The following CDH4 variants were observed in gnomAD, a reference collection of about 807,000 sequenced individuals.
CDH4 encodes the protein cadherin-4.
A neutral mutation model predicts 86.0 loss-of-function variants in CDH4; 33 were observed. The observed-to-expected ratio is 0.38, with a 90% CI of 0.29 to 0.51. The LOEUF is 0.51. Among genes scored for constraint, CDH4 ranks in the 20% least tolerant of loss-of-function variants. The probability of loss-of-function intolerance (pLI) is 0.86; values close to 1 mark genes in which losing one functional copy is unlikely to be tolerated. For missense variants in CDH4, 1,114 were observed against 1,307.4 expected (o/e 0.85, Z 2.28); for synonymous variants, 555 against 549.4 (o/e 1.01, Z -0.14).
At chr20:61,864,409 A>T (rs1983455671) in intron 6 of CDH4, among the ~76,000 whole-genome samples, 1 of 152,262 alleles carries the variant, frequency 6.6e-6, no homozygotes. Context: ...CCATGCAGCC[A>T]GAAACCCTGT....
chr20:61,374,698 C>G (rs757885664), intron 2 of CDH4, among the ~76,000 whole-genome samples: 3 of 152,098 alleles, frequency 2.0e-5, no homozygotes, highest in Admixed American at 6.5e-5. Context: ...GAGTGGAGTT[C>G]GGACATGCCT....
chr20:61,306,273 G>C (rs1033008512), intron 2 of CDH4, among the ~76,000 whole-genome samples: 1 of 152,174 alleles, frequency 6.6e-6, no homozygotes, highest in Admixed American at 6.5e-5. Flanking sequence ...CTTTAAAAAT[G>C]CAGTTTACTC....
rs996463107 is a variant in CDH4 at position 61,480,241 on chromosome 20, C to A, written c.169+225304C>A. Among the ~76,000 whole-genome samples, 160 of 152,268 alleles carry A rather than the reference C, an allele frequency of 1.1e-3. 1 individual carries two copies. The highest frequency in any genetic ancestry group is 2.1e-4 in the Non-Finnish European group (14 of 68,022). ...TTCCACCCCAGGAGGACCCCAGGCT[C>A]CCCCTCTCGTGGTAGCCTGGAAACT... On this transcript the variant is annotated intron_variant, in intron 2 of 15. Coordinates refer to ENST00000614565, the MANE Select transcript of CDH4 (RefSeq NM_001794.5). The surrounding 1 kb of genome is among the most constrained non-coding windows in gnomAD (Gnocchi z 5.2).
intron 2 of CDH4, chr20:61,719,041 C>A (rs758438635): frequency 1.5e-5 from 7 of 471,064 alleles, no homozygotes; most frequent in Admixed American, 7.0e-5. Flanking sequence ...AGAGAAGGAC[C>A]CTCCCTGGCC....
At chr20:61,700,579 C>T (rs1317215051) in intron 2 of CDH4, among the ~76,000 whole-genome samples, 1 of 152,240 alleles carries the variant, frequency 6.6e-6, no homozygotes, top group Non-Finnish European at 1.5e-5. Context: ...AGCCTCCGTG[C>T]ATGCCTGGTC....
At chr20:61,336,625 G>T (rs763776667) in intron 2 of CDH4, among the ~76,000 whole-genome samples, 1 of 152,212 alleles carries the variant, frequency 6.6e-6, no homozygotes, top group East Asian at 1.9e-4. Flanking sequence ...GTGGAAGGAA[G>T]CCAGGGCCTT....
At chr20:61,473,870 C>T (rs1451565652) in intron 2 of CDH4, among the ~76,000 whole-genome samples, 1 of 152,046 alleles carries the variant, frequency 6.6e-6, no homozygotes. Context: ...CTTTTTACAG[C>T]CATGTCAAGA....
intron 9 of CDH4, among the ~76,000 whole-genome samples, chr20:61,921,643 T>C (rs1380978048): frequency 6.6e-6 from 1 of 150,618 alleles, no homozygotes; most frequent in African/African-American, 2.5e-5. Flanking sequence ...TCCCAGCTAC[T>C]GGGGAGGCTG....
At chr20:61,339,757 A>C (rs2084639983) in intron 2 of CDH4, among the ~76,000 whole-genome samples, 1 of 152,154 alleles carries the variant, frequency 6.6e-6, no homozygotes, top group Non-Finnish European at 1.5e-5. Flanking sequence ...ATATTTCCTC[A>C]TGCTCAGTTC....
At chr20:61,915,702 G>A (rs1354149479) in intron 9 of CDH4, among the ~76,000 whole-genome samples, 1 of 152,208 alleles carries the variant, frequency 6.6e-6, no homozygotes, top group Non-Finnish European at 1.5e-5. Flanking sequence ...ACAAAACTGT[G>A]GGGACAGAAA....
intron 2 of CDH4, among the ~76,000 whole-genome samples, chr20:61,450,650 C>T (rs2085374356): frequency 6.6e-6 from 1 of 151,906 alleles, no homozygotes; most frequent in South Asian, 2.1e-4. Context: ...ATCATTGTCC[C>T]AAACCGAGAA....
At chr20:61,386,185 C>T (rs752186679) in intron 2 of CDH4, among the ~76,000 whole-genome samples, 37 of 152,276 alleles carry the variant, frequency 2.4e-4, no homozygotes, top group Non-Finnish European at 5.0e-4. Context: ...CACTGCTGTT[C>T]GTTGTTGGGG....
chr20:61,615,856 G>A (rs1307493445), intron 2 of CDH4, among the ~76,000 whole-genome samples: 1 of 152,354 alleles, frequency 6.6e-6, no homozygotes, highest in East Asian at 1.9e-4. Context: ...GGTTGTGGAA[G>A]TTTCTCTGCC....
At chr20:61,353,340 T>C (rs2084724423) in intron 2 of CDH4, among the ~76,000 whole-genome samples, 1 of 152,064 alleles carries the variant, frequency 6.6e-6, no homozygotes, top group African/African-American at 2.4e-5. Context: ...TCTGGACTAA[T>C]ATTTCCTCTT....
At chr20:61,815,639 T>G (rs1409528669) in intron 4 of CDH4, among the ~76,000 whole-genome samples, 1 of 152,186 alleles carries the variant, frequency 6.6e-6, no homozygotes, top group Non-Finnish European at 1.5e-5. Flanking sequence ...TTGGCATCTG[T>G]TTTAGCAAAG....
chr20:61,326,848 C>T (rs560575200), intron 2 of CDH4, among the ~76,000 whole-genome samples: 10 of 152,216 alleles, frequency 6.6e-5, no homozygotes, highest in East Asian at 5.8e-4. Context: ...TTACTTCTTA[C>T]GACTTCTCAT....
chr20:61,661,094 G>GGGA (rs386394182), intron 2 of CDH4, among the ~76,000 whole-genome samples: 1 of 118,530 alleles, frequency 8.4e-6, no homozygotes, highest in African/African-American at 2.8e-5. Context: ...CGGGGGGGGG[G>GGGA]GAGACACAGT....
intron 2 of CDH4, among the ~76,000 whole-genome samples, chr20:61,444,881 G>C (rs767765502): frequency 4.0e-5 from 6 of 151,048 alleles, no homozygotes; most frequent in Non-Finnish European, 8.9e-5. Flanking sequence ...GTTTCTCTAT[G>C]TGTGTCTGTG....
At chr20:61,550,420 T>A (rs999464751) in intron 2 of CDH4, among the ~76,000 whole-genome samples, 1 of 152,216 alleles carries the variant, frequency 6.6e-6, no homozygotes, top group Non-Finnish European at 1.5e-5. Flanking sequence ...CACTGCCTCC[T>A]TTGCTTCCCC....
Sources: allele counts gnomAD v4.1 joint callset (sites outside exome capture counted in the v4.1 genomes callset), GRCh38; gene constraint gnomAD v4.1.1; non-coding constraint Gnocchi (gnomAD v3.1); transcripts MANE v1.5; gene names NCBI Gene and HGNC (gene_info 2026-07-23, HGNC 2026-07-21).